LGALS16: variants seen among roughly 807,000 people sequenced by gnomAD.
LGALS16 encodes galectin-16.
LGALS16 carries 15 observed loss-of-function variants against 13.2 expected under a neutral mutation model. The observed-to-expected ratio is 1.13, with a 90% CI of 0.76 to 1.75. The LOEUF (loss-of-function observed/expected upper bound fraction) is 1.75, where lower values mean the gene tolerates loss of function less well. LGALS16 is among the 40% of genes most tolerant of loss of function. The probability of loss-of-function intolerance (pLI) is 0.00; values close to 1 mark genes in which losing one functional copy is unlikely to be tolerated. For synonymous variants in LGALS16, 66 were observed against 65.4 expected, an observed-to-expected ratio of 1.01 and a Z score of -0.05; for missense variants, 198 against 178.4, an observed-to-expected ratio of 1.11 and a Z score of -0.63.
rs1973222888 is a variant in LGALS16, at chr19:39,658,554, G to A, written c.187G>A (p.Val63Ile). 3.7e-6 allele frequency: 6 copies of A among 1,608,722 alleles called. No homozygotes were observed. The highest frequency in any genetic ancestry group is 5.1e-6 in the Non-Finnish European group (6 of 1,178,992). ...HLRVHLGRRV[V>I]MNSREFGIWM... ...GCGAGTGCACTTAGGCCGTCGTGTG[G>A]TCATGAACAGTCGTGAGTTTGGGAT... The change falls in exon 3 of 4, where the codon GTC becomes ATC. Residue 63 changes from valine to isoleucine, a missense_variant. Transcript: ENST00000392051.
intron 3 of LGALS16, among the ~76,000 whole-genome samples, chr19:39,658,881 T>C (rs1973228682): frequency 6.6e-6 from 1 of 152,200 alleles, no homozygotes; most frequent in South Asian, 2.1e-4. Flanking sequence ...CATCTTCCAT[T>C]TCCCCCAAAG....
chr19:39,659,018 T>A (rs1393989681), intron 3 of LGALS16, among the ~76,000 whole-genome samples: 1 of 152,166 alleles, frequency 6.6e-6, no homozygotes, highest in Non-Finnish European at 1.5e-5. Flanking sequence ...AAAAATTATG[T>A]CTTCGTCTCA....
chr19:39,658,976 T>C (rs1015265965), intron 3 of LGALS16, among the ~76,000 whole-genome samples: 6 of 152,200 alleles, frequency 3.9e-5, no homozygotes, highest in African/African-American at 1.4e-4. Context: ...ATGAATACAA[T>C]ATACTTAAGA....
In LGALS16 at chr19:39,660,467, G is replaced by A. The variant is rs1422116496; in HGVS notation, c.376G>A (p.Val126Met). The change falls in exon 4 of 4, where the codon GTG becomes ATG. Residue 126 changes from valine to methionine, a missense_variant. Transcript: ENST00000392051. ...GCCATCATATGTGAAGATGATTCAA[G>A]TGTGGAGAGATGTCTCCCTGGACTC... ...IPPSYVKMIQ[V>M]WRDVSLDSVL... 4.5e-6 allele frequency: 7 copies of A among 1,542,770 alleles called. No homozygotes were observed. The East Asian group carries it at 1.7e-4, about 37-fold the overall frequency.
At position 39,655,924 on chromosome 19, in the gene LGALS16, T is replaced by G; in HGVS notation, c.-38T>G. ...CAACTCAGAGATTCACTCAGAAGAC[T>G]GGACACAATTCCGAAGGTCGCCCAG... On this transcript the variant is annotated 5_prime_UTR_variant, in exon 1 of 4. Transcript: ENST00000392051. 6.2e-7 allele frequency: 1 copy of G among 1,612,496 alleles called. No individual in the cohort carries two copies. Among genetic ancestry groups the G allele is most frequent in the East Asian group, 2.2e-5 (1 of 44,826 alleles).
chr19:39,660,579 C>G lies in LGALS16; in HGVS notation c.*59C>G. ...TACCTGACCATGGGATTCCTAGAGC[C>G]TGCTAACAGAATAATCCCTCCTCAA... On this transcript the variant is annotated 3_prime_UTR_variant, in exon 4 of 4. Transcript: ENST00000392051. 1 of 1,446,614 alleles carries G rather than the reference C, an allele frequency of 6.9e-7. No individual in the cohort carries two copies. The highest frequency in any genetic ancestry group is 9.4e-7 in the Non-Finnish European group (1 of 1,063,850). The allele number at this position is 1,446,614 out of a possible 1,614,324, so 89.6% of individuals were successfully genotyped here.
chr19:39,659,890 A>T (rs1053331823), intron 3 of LGALS16, among the ~76,000 whole-genome samples: 1 of 152,212 alleles, frequency 6.6e-6, no homozygotes, highest in Non-Finnish European at 1.5e-5. Context: ...ATGTTATACA[A>T]GACCTGTCCT....
At chr19:39,656,043 T>C in intron 1 of LGALS16, 67 bp downstream of exon 1, 1 of 1,532,910 alleles carries the variant, frequency 6.5e-7, no homozygotes, top group Non-Finnish European at 9.0e-7. Flanking sequence ...TGTGGGGTAT[T>C]TTATGAGATG....
rs1973250198 is a variant in LGALS16, at chr19:39,660,578, C to G, written c.*58C>G. On this transcript the variant is annotated 3_prime_UTR_variant, in exon 4 of 4. Coordinates refer to ENST00000392051, the MANE Select transcript of LGALS16 (RefSeq NM_001190441.3). ...CTACCTGACCATGGGATTCCTAGAGCCTGCTAACAGAATAATCCCTCCTCA... is the reference window on the plus strand; with the variant it reads ...CTACCTGACCATGGGATTCCTAGAGGCTGCTAACAGAATAATCCCTCCTCA... The G allele has an allele frequency of 6.9e-7, 1 of 1,453,270 alleles. No homozygotes were observed. Among genetic ancestry groups the G allele is most frequent in the Non-Finnish European group, 9.3e-7 (1 of 1,069,654 alleles). The allele number at this position is 1,453,270 out of a possible 1,614,324, so 90.0% of individuals were successfully genotyped here.
Position 39,656,515 on chromosome 19 carries a change from G to A in LGALS16, c.15+539G>A, listed in dbSNP as rs553150227. 5.9e-5 allele frequency among the ~76,000 whole-genome samples: 9 copies of A among 152,286 alleles called. No homozygotes were observed. In the South Asian group the frequency reaches 1.9e-3, roughly 32 times the overall value. On this transcript the variant is annotated intron_variant, in intron 1 of 3. Coordinates refer to ENST00000392051, the MANE Select transcript of LGALS16 (RefSeq NM_001190441.3). The stretch of plus-strand genomic sequence containing the variant: ...TGTGAAGGTTCCTCCCCACACAACA[G>A]CACTTCTGATGAAGGAACTGTGTGT...
intron 2 of LGALS16, 102 bp downstream of exon 2, chr19:39,658,061 G>T: frequency 7.2e-7 from 1 of 1,389,780 alleles, no homozygotes. Flanking sequence ...CTAATTGGCA[G>T]GATGGAGGCC....
intron 1 of LGALS16, among the ~76,000 whole-genome samples, chr19:39,656,185 G>A (rs918109950): frequency 6.6e-6 from 1 of 152,206 alleles, no homozygotes; most frequent in African/African-American, 2.4e-5. Flanking sequence ...AACCCTCTGT[G>A]AGCATGAGGT....
intron 1 of LGALS16, 55 bp from the exon 2 acceptor site, chr19:39,657,825 CAGG>C: frequency 6.3e-7 from 1 of 1,581,868 alleles, no homozygotes; most frequent in Non-Finnish European, 8.6e-7. Context: ...GAATATGTTA[CAGG>C]AAGGGAGACT....
chr19:39,656,741 C>G (rs1320870747), intron 1 of LGALS16, among the ~76,000 whole-genome samples: 2 of 151,988 alleles, frequency 1.3e-5, no homozygotes, highest in Admixed American at 1.3e-4. Flanking sequence ...ACAGAGTGAC[C>G]ACTGTCTCTT....
At chr19:39,658,074 A>G in intron 2 of LGALS16, 115 bp downstream of exon 2, 6 of 1,256,654 alleles carry the variant, frequency 4.8e-6, no homozygotes, top group Non-Finnish European at 6.8e-6. Context: ...TGGAGGCCCC[A>G]TGCAGGTGCA....
rs1973219619 is a variant in LGALS16, at chr19:39,658,410, G to A, written c.93-50G>A. On this transcript the variant is annotated intron_variant, in intron 2 of 3. Coordinates refer to ENST00000392051, the MANE Select transcript of LGALS16 (RefSeq NM_001190441.3). ...GGATTTGTGTGCGTGTCAAGTGTGT[G>A]TCTGTGCAATGAAGGAACCTGTCCA... 4.2e-6 allele frequency: 6 copies of A among 1,423,604 alleles called. No individual in the cohort carries two copies. In the South Asian group the frequency reaches 7.3e-5, roughly 17 times the overall value. 88.2% of individuals were successfully genotyped at this position (1,423,604 alleles called of 1,614,324 possible).
rs1164229809 is a variant in LGALS16 at position 39,660,468 on chromosome 19, T to G, written c.377T>G (p.Val126Gly). The change falls in exon 4 of 4, where the codon GTG becomes GGG. Residue 126 changes from valine to glycine, a missense_variant. Val to Gly is a moderately radical substitution (Grantham distance 109). Coordinates refer to ENST00000392051, the MANE Select transcript of LGALS16 (RefSeq NM_001190441.3). ...IPPSYVKMIQ[V>G]WRDVSLDSVL... The stretch of plus-strand genomic sequence containing the variant: ...CCATCATATGTGAAGATGATTCAAG[T>G]GTGGAGAGATGTCTCCCTGGACTCA... 1.9e-6 allele frequency: 3 copies of G among 1,542,466 alleles called. No individual in the cohort carries two copies. The South Asian group carries it at 3.6e-5, about 18-fold the overall frequency.
intron 1 of LGALS16, among the ~76,000 whole-genome samples, chr19:39,657,673 A>C (rs1196901593): frequency 6.6e-6 from 1 of 152,172 alleles, no homozygotes; most frequent in Non-Finnish European, 1.5e-5. Context: ...GAGGACTGGA[A>C]TCCAGGCTTC....
intron 2 of LGALS16, 92 bp from the exon 3 acceptor site, chr19:39,658,368 T>TG (rs1007161746): frequency 4.7e-5 from 52 of 1,117,288 alleles, no homozygotes; most frequent in Admixed American, 2.0e-5. Flanking sequence ...AATTTTACCC[T>TG]GGGTAAATGG....
Sources: gnomAD v4.1 joint callset for allele counts (sites outside exome capture counted in the v4.1 genomes callset) on GRCh38, gnomAD v4.1.1 for gene constraint, MANE v1.5 for transcripts, NCBI Gene and HGNC (gene_info 2026-07-23, HGNC 2026-07-21) for gene names.